The following STAG1 variants were observed in gnomAD, a reference collection of about 807,000 sequenced individuals.
STAG1 encodes STAG1 cohesin complex component, also known as cohesin subunit SA-1.
A neutral mutation model predicts 170.9 loss-of-function variants in STAG1; 26 were observed. The observed-to-expected ratio is 0.15, with a 90% CI of 0.11 to 0.21. The LOEUF is 0.21. STAG1 is among the 10% of genes least tolerant of loss of function. The pLI is 1.00. For synonymous variants in STAG1, 514 were observed against 497.7 expected (o/e 1.03, Z -0.44); for missense variants, 964 against 1,509.5 (o/e 0.64, Z 5.99).
At chr3:136,701,916 A>C (rs1307453176) in intron 1 of STAG1, among the ~76,000 whole-genome samples, 1 of 152,134 alleles carries the variant, frequency 6.6e-6, no homozygotes, top group African/African-American at 2.4e-5. Context: ...GTGCAAGATA[A>C]ATTAGATTTT....
At chr3:136,402,197 C>A (rs1446190263) in intron 21 of STAG1, among the ~76,000 whole-genome samples, 1 of 151,718 alleles carries the variant, frequency 6.6e-6, no homozygotes, top group African/African-American at 2.4e-5. Context: ...AGAGTTAGAG[C>A]TGATTTTATT....
In STAG1 at chr3:136,537,007, A is replaced by G. The variant is rs1252215933; in HGVS notation, c.471+5112T>C. The stretch of plus-strand genomic sequence containing the variant: ...CCCAATAGATCGAACTGCAGGGTTC[A>G]GTCATTGTATATTTTCTTTGTTACA... On this transcript the variant is annotated intron_variant, in intron 6 of 33. Coordinates refer to ENST00000383202, the MANE Select transcript of STAG1 (RefSeq NM_005862.3). Among the ~76,000 whole-genome samples the G allele has an allele frequency of 3.9e-5, 6 of 152,346 alleles. No homozygotes were observed. The East Asian group carries it at 9.6e-4, about 24-fold the overall frequency.
chr3:136,341,274 T>G (rs979831571), intron 31 of STAG1, among the ~76,000 whole-genome samples, 167 bp downstream of exon 31: 3 of 152,244 alleles, frequency 2.0e-5, no homozygotes, highest in Admixed American at 1.3e-4. Context: ...AGGATTTAAA[T>G]GCTGAAAGTG....
intron 13 of STAG1, among the ~76,000 whole-genome samples, chr3:136,464,058 G>C (rs922795184): frequency 6.6e-6 from 1 of 151,096 alleles, no homozygotes; most frequent in Non-Finnish European, 1.5e-5. Context: ...AAAAAATAAG[G>C]TTTAAAAAAA....
chr3:136,521,604 C>T (rs1466071538), intron 6 of STAG1, among the ~76,000 whole-genome samples, 187 bp from the exon 7 acceptor site: 1 of 152,000 alleles, frequency 6.6e-6, no homozygotes, highest in East Asian at 1.9e-4. Context: ...CTAAGTAATT[C>T]TTAAAATACT....
chr3:136,378,731 A>AT (rs1937757590), intron 22 of STAG1, among the ~76,000 whole-genome samples: 1 of 152,190 alleles, frequency 6.6e-6, no homozygotes, highest in Non-Finnish European at 1.5e-5. Context: ...GCTTACTATT[A>AT]TATAGTTTAA....
At chr3:136,636,983 G>A (rs977281755) in intron 1 of STAG1, among the ~76,000 whole-genome samples, 3 of 152,026 alleles carry the variant, frequency 2.0e-5, no homozygotes, top group Admixed American at 1.3e-4. Context: ...GCACATATCT[G>A]GTATGTGGGA....
intron 15 of STAG1, among the ~76,000 whole-genome samples, chr3:136,439,415 CACACACACACACACACACACACACACAA>C (rs1214554486): frequency 4.3e-5 from 6 of 139,788 alleles, no homozygotes; most frequent in African/African-American, 5.4e-5. Context: ...CACACACACA[CACACACACACACACACACACACACACAA>C]ACACTGTAAG....
intron 3 of STAG1, among the ~76,000 whole-genome samples, chr3:136,610,288 G>T (rs1939206345): frequency 6.6e-6 from 1 of 152,154 alleles, no homozygotes; most frequent in African/African-American, 2.4e-5. Context: ...ACCCACCTCA[G>T]CCTTCCAAAG....
At chr3:136,501,531 C>T (rs1051310473) in intron 8 of STAG1, among the ~76,000 whole-genome samples, 13 of 152,190 alleles carry the variant, frequency 8.5e-5, no homozygotes, top group Non-Finnish European at 1.3e-4. Context: ...ACCAGCCAAG[C>T]AACTACCAGA....
chr3:136,553,211 AAAGAGT>A (rs1019234523), intron 5 of STAG1, among the ~76,000 whole-genome samples: 5 of 152,308 alleles, frequency 3.3e-5, no homozygotes, highest in African/African-American at 1.2e-4. Flanking sequence ...GCATAGATAA[AAAGAGT>A]AAAAGAACTC....
intron 32 of STAG1, 152 bp from the exon 33 acceptor site, chr3:136,338,602 A>T (rs1935805645): frequency 3.2e-6 from 2 of 627,696 alleles, no homozygotes; most frequent in Non-Finnish European, 5.5e-6. Flanking sequence ...TTTTATATGA[A>T]ATAGATTTTT....
intron 1 of STAG1, among the ~76,000 whole-genome samples, chr3:136,717,071 T>A (rs537545479): frequency 6.2e-4 from 95 of 152,334 alleles, no homozygotes; most frequent in African/African-American, 2.2e-3. Context: ...CACTTAATCG[T>A]TTTTGTCTGT....
intron 1 of STAG1, among the ~76,000 whole-genome samples, chr3:136,750,256 T>TC (rs1450972407): frequency 6.6e-6 from 1 of 152,158 alleles, no homozygotes; most frequent in Non-Finnish European, 1.5e-5. Flanking sequence ...GTTTAAGGGT[T>TC]CCTCCTGCCT....
chr3:136,612,786 A>G (rs532920505), intron 3 of STAG1, among the ~76,000 whole-genome samples: 1 of 152,354 alleles, frequency 6.6e-6, no homozygotes, highest in East Asian at 1.9e-4. Context: ...TTTGTTAGCC[A>G]TTTACCAAAT....
At chr3:136,640,734 G>A (rs1315459940) in intron 1 of STAG1, among the ~76,000 whole-genome samples, 1 of 144,658 alleles carries the variant, frequency 6.9e-6, no homozygotes, top group Admixed American at 7.0e-5. Flanking sequence ...GTACAGTGGC[G>A]CGATTTTGGC....
Position 136,559,124 on chromosome 3 carries a change from C to CCTATCTATCTATCTAT in STAG1, c.394+9625_394+9640dup, listed in dbSNP as rs3042748. Among the ~76,000 whole-genome samples the CCTATCTATCTATCTAT allele has an allele frequency of 4.6e-3, 656 of 144,098 alleles. 2 individuals are homozygous for CCTATCTATCTATCTAT. The highest frequency in any genetic ancestry group is 0.014 in the East Asian group (71 of 5,064). 94.5% of individuals were successfully genotyped at this position (144,098 alleles called of 152,430 possible). On this transcript the variant is annotated intron_variant, in intron 5 of 33. Transcript: ENST00000383202. ...ATTTAAGAAAGATAACACTGAACTACCTATCTATCTATCTATCTATCTATC... is the reference window on the plus strand; with the variant it reads ...ATTTAAGAAAGATAACACTGAACTACCTATCTATCTATCTATCTATCTATCTATCTATCTATCTATC...
chr3:136,464,760 G>T, intron 13 of STAG1, 121 bp downstream of exon 13: 1 of 722,970 alleles, frequency 1.4e-6, no homozygotes, highest in Non-Finnish European at 2.3e-6. Flanking sequence ...ATAGCCCCTG[G>T]AGTATCAGAT....
chr3:136,430,806 G>GACAGACACACAC (rs778171419), intron 16 of STAG1, among the ~76,000 whole-genome samples: 53 of 131,160 alleles, frequency 4.0e-4, no homozygotes, highest in African/African-American at 1.5e-3. Context: ...GACATAGACA[G>GACAGACACACAC]ACACACACAC....
Sources: gnomAD v4.1 joint callset for allele counts (sites outside exome capture counted in the v4.1 genomes callset) on GRCh38, gnomAD v4.1.1 for gene constraint, MANE v1.5 for transcripts, NCBI Gene and HGNC (gene_info 2026-07-23, HGNC 2026-07-21) for gene names.